Variants in SLC25A25 observed in about 807,000 individuals in gnomAD.
SLC25A25 encodes solute carrier family 25 member 25.
SLC25A25 carries 32 observed loss-of-function variants against 57.7 expected under a neutral mutation model. The ratio of observed to expected loss-of-function variants is 0.55; its 90% CI spans 0.42 to 0.74. The LOEUF (loss-of-function observed/expected upper bound fraction) is 0.74. SLC25A25 is among the 30% of genes least tolerant of loss of function. The probability of loss-of-function intolerance (pLI) is 0.00; values close to 1 mark genes in which losing one functional copy is unlikely to be tolerated. For synonymous variants in SLC25A25, 306 were observed against 291.2 expected, an observed-to-expected ratio of 1.05 and a Z score of -0.52; for missense variants, 556 against 701.3, an observed-to-expected ratio of 0.79 and a Z score of 2.34.
intron 1 of SLC25A25, among the ~76,000 whole-genome samples, chr9:128,071,181 T>C (rs1330734860): frequency 6.6e-6 from 1 of 152,080 alleles, no homozygotes; most frequent in African/African-American, 2.4e-5. Context: ...TCCTAATCTG[T>C]TTTTTTAGTG....
In SLC25A25 at chr9:128,106,460, C is replaced by T. The variant is rs769473901; in HGVS notation, c.1152C>T (p.Gly384=). ...AREGVAAFYK[G]YVPNMLGIIP... is the part of the protein sequence containing the mutation. ...AGGGGGTGGCCGCCTTCTACAAAGG[C>T]TATGTCCCCAACATGCTGGGCATCA... Residue 384 remains glycine, a synonymous_variant, in exon 9 of 11, where the codon GGC becomes GGT. Transcript: ENST00000373069. 4.3e-6 allele frequency: 7 copies of T among 1,613,136 alleles called. No individual in the cohort carries two copies. Among genetic ancestry groups the T allele is most frequent in the Non-Finnish European group, 5.9e-6 (7 of 1,179,952 alleles).
Position 128,107,745 on chromosome 9 carries a change from G to A in SLC25A25, c.*301G>A, listed in dbSNP as rs140738643. ...ATTTTCTGCAGTGCCTGCCAATAGC[G>A]AGCTTGGAGCCTGGAGGCCGGCTTA... On this transcript the variant is annotated 3_prime_UTR_variant, in exon 11 of 11. Transcript: ENST00000373069. 46 of 405,590 alleles carry A rather than the reference G, an allele frequency of 1.1e-4. No individual in the cohort carries two copies. The East Asian group carries it at 1.4e-3, about 12-fold the overall frequency. 25.1% of individuals were successfully genotyped at this position (405,590 alleles called of 1,614,324 possible).
intron 1 of SLC25A25, among the ~76,000 whole-genome samples, chr9:128,079,856 T>G (rs1170277854): frequency 6.6e-6 from 1 of 151,940 alleles, no homozygotes; most frequent in African/African-American, 2.4e-5. Context: ...CCGGGTATGG[T>G]GGTGCACGCC....
chr9:128,072,321 T>G (rs191946276), intron 1 of SLC25A25, among the ~76,000 whole-genome samples: 122 of 152,274 alleles, frequency 8.0e-4, no homozygotes, highest in African/African-American at 2.7e-3. Context: ...GTGGGGCCCT[T>G]TGGGTCAAAA....
chr9:128,084,955 C>T (rs1833243037), intron 1 of SLC25A25, among the ~76,000 whole-genome samples: 1 of 152,154 alleles, frequency 6.6e-6, no homozygotes, highest in South Asian at 2.1e-4. Flanking sequence ...TCATCCTACC[C>T]AAGAAAGCTA....
chr9:128,068,238 CGCCTGGCTT>C lies in SLC25A25; in HGVS notation c.-77_-69del, dbSNP rs1438037586. ...CGAGCCCGCGCTCCCAGCTGCAGAG[CGCCTGGCTT>C]GCCTCCCGCGCGGTCACCGCCGGCC... On this transcript the variant is annotated 5_prime_UTR_variant, in exon 1 of 11. Coordinates refer to ENST00000373069, the MANE Select transcript of SLC25A25 (RefSeq NM_001330988.2). 6 of 776,230 alleles carry C rather than the reference CGCCTGGCTT, an allele frequency of 7.7e-6. No homozygotes were observed. The highest frequency in any genetic ancestry group is 5.5e-5 in the African/African-American group (3 of 54,696). The allele number at this position is 776,230 out of a possible 1,614,324, so 48.1% of individuals were successfully genotyped here. A position where few individuals can be genotyped will look rare whatever the true frequency, so the allele number is the denominator to read the frequency against.
At chr9:128,090,776 C>T (rs909999040) in intron 1 of SLC25A25, among the ~76,000 whole-genome samples, 1 of 152,180 alleles carries the variant, frequency 6.6e-6, no homozygotes, top group Non-Finnish European at 1.5e-5. Flanking sequence ...CGACCCACTG[C>T]GCTCCAGCCT....
Position 128,108,405 on chromosome 9 carries a change from G to A in SLC25A25, c.*961G>A, listed in dbSNP as rs1005562775. ...GAGGAAGACGAGGGAGCAGGAGCTT[G>A]GCTGACTGCTCAGAGTCTGTTCTGA... On this transcript the variant is annotated 3_prime_UTR_variant, in exon 11 of 11. Coordinates refer to ENST00000373069, the MANE Select transcript of SLC25A25 (RefSeq NM_001330988.2). 7 of 397,270 alleles carry A rather than the reference G, an allele frequency of 1.8e-5. No individual in the cohort carries two copies. Among genetic ancestry groups the A allele is most frequent in the African/African-American group, 6.2e-5 (3 of 48,618 alleles). 24.6% of individuals were successfully genotyped at this position (397,270 alleles called of 1,614,324 possible).
intron 1 of SLC25A25, among the ~76,000 whole-genome samples, chr9:128,079,392 T>C (rs1251018358): frequency 7.2e-6 from 1 of 139,052 alleles, no homozygotes; most frequent in Non-Finnish European, 1.5e-5. Flanking sequence ...AACCATTGAT[T>C]GAAATGCTGC....
chr9:128,068,327 G>A lies in SLC25A25; in HGVS notation c.8G>A (p.Ser3Asn). The change falls in exon 1 of 11, where the codon AGC (serine) becomes AAC (asparagine). Residue 3 changes from serine (S) to asparagine (N), a missense_variant. This residue lies in a region of SLC25A25 where 248 missense variants were observed against 273.5 expected (regional missense o/e 0.91). Transcript: ENST00000373069. The stretch of plus-strand genomic sequence containing the variant: ...GCCCCTGCCTCGCGCCCGATGGTGA[G>A]CAGTGTGTTGTGCCGCTGTGTGGCC... MV[S>N]SVLCRCVASP... 1 of 1,506,232 alleles carries A rather than the reference G, an allele frequency of 6.6e-7. No individual in the cohort carries two copies. Among genetic ancestry groups the A allele is most frequent in the Non-Finnish European group, 8.8e-7 (1 of 1,133,562 alleles). 93.3% of individuals were successfully genotyped at this position (1,506,232 alleles called of 1,614,324 possible). A position where few individuals can be genotyped will look rare whatever the true frequency, so the allele number is the denominator to read the frequency against.
chr9:128,083,221 C>G (rs1833193024), intron 1 of SLC25A25, among the ~76,000 whole-genome samples: 1 of 147,892 alleles, frequency 6.8e-6, no homozygotes. Context: ...GAGTGAGACT[C>G]CGTCTCAAAA....
intron 1 of SLC25A25, among the ~76,000 whole-genome samples, chr9:128,081,067 G>A (rs756004213): frequency 6.6e-6 from 1 of 152,136 alleles, no homozygotes; most frequent in African/African-American, 2.4e-5. Flanking sequence ...AGGAAAAATA[G>A]GATCTAAAGG....
intron 1 of SLC25A25, among the ~76,000 whole-genome samples, chr9:128,087,415 C>T (rs912126133): frequency 1.3e-5 from 2 of 152,158 alleles, no homozygotes; most frequent in African/African-American, 4.8e-5. Flanking sequence ...GCATGAGCCA[C>T]CATGCCTGGC....
intron 1 of SLC25A25, among the ~76,000 whole-genome samples, chr9:128,093,993 C>T (rs1176197675): frequency 3.9e-5 from 6 of 152,210 alleles, no homozygotes; most frequent in African/African-American, 1.4e-4. Context: ...ACTAAAAATA[C>T]AAAAATTAGC....
At chr9:128,090,752 C>T (rs758250011) in intron 1 of SLC25A25, among the ~76,000 whole-genome samples, 1 of 152,072 alleles carries the variant, frequency 6.6e-6, no homozygotes, top group Non-Finnish European at 1.5e-5. Flanking sequence ...GTGGAGGTTG[C>T]GTTGAGCCAA....
At chr9:128,091,706 C>A in intron 1 of SLC25A25, 1 of 1,425,258 alleles carries the variant, frequency 7.0e-7, no homozygotes, top group Non-Finnish European at 9.1e-7. Flanking sequence ...GACAGCAGTG[C>A]TAGCACATTT....
Position 128,095,500 on chromosome 9 carries a change from G to A in SLC25A25, c.262-5596G>A, listed in dbSNP as rs952616542. On this transcript the variant is annotated intron_variant, in intron 1 of 10. Coordinates refer to ENST00000373069, the MANE Select transcript of SLC25A25 (RefSeq NM_001330988.2). The surrounding 1 kb of genome is among the most constrained non-coding windows in gnomAD (Gnocchi z 4.4). ...AGCACCTAGAGATGGGCTTATTTGG[G>A]TAGAACTCTCCATTTTTATATGAAC... 3.9e-5 allele frequency among the ~76,000 whole-genome samples: 6 copies of A among 152,162 alleles called. No individual in the cohort carries two copies. The highest frequency in any genetic ancestry group is 1.2e-4 in the African/African-American group (5 of 41,424).
intron 1 of SLC25A25, among the ~76,000 whole-genome samples, chr9:128,100,446 C>G (rs1384970607): frequency 6.6e-6 from 1 of 152,170 alleles, no homozygotes; most frequent in Admixed American, 6.5e-5. Flanking sequence ...AGAGCCAGGG[C>G]AGCTCTATCA....
intron 1 of SLC25A25, among the ~76,000 whole-genome samples, chr9:128,071,904 G>A (rs1306607928): frequency 2.0e-5 from 3 of 151,746 alleles, no homozygotes; most frequent in Non-Finnish European, 2.9e-5. Flanking sequence ...GGAGACAAGG[G>A]ATTTCACCAT....
Sources: gnomAD v4.1 joint callset for allele counts (sites outside exome capture counted in the v4.1 genomes callset) on GRCh38, gnomAD v4.1.1 for gene constraint, gnomAD v4.1.1 regional missense constraint, Gnocchi (gnomAD v3.1) non-coding constraint, MANE v1.5 for transcripts, NCBI Gene and HGNC (gene_info 2026-07-23, HGNC 2026-07-21) for gene names.